STX8: variants seen among roughly 807,000 people sequenced by gnomAD.
The protein encoded by STX8 is syntaxin-8.
A neutral mutation model predicts 37.5 loss-of-function variants in STX8; 23 were observed. That is an observed-to-expected ratio of 0.61 (90% CI 0.44 to 0.87). The LOEUF is 0.87. Ranked by LOEUF, STX8 falls within the 40% of genes least tolerant of loss-of-function variation. The probability of loss-of-function intolerance (pLI) is 0.00; values close to 1 mark genes in which losing one functional copy is unlikely to be tolerated. For missense variants in STX8, 313 were observed against 284.7 expected, an observed-to-expected ratio of 1.10 and a Z score of -0.71; for synonymous variants, 115 against 99.1, an observed-to-expected ratio of 1.16 and a Z score of -0.95.
chr17:9,521,184 G>A (rs953405251), intron 4 of STX8, among the ~76,000 whole-genome samples: 7 of 152,182 alleles, frequency 4.6e-5, no homozygotes, highest in African/African-American at 1.7e-4. Context: ...TGGATTACAC[G>A]GAAGAGAGGC....
intron 7 of STX8, among the ~76,000 whole-genome samples, chr17:9,323,843 T>C (rs993080606): frequency 6.6e-6 from 1 of 152,112 alleles, no homozygotes; most frequent in Middle Eastern, 3.4e-3. Flanking sequence ...AACGGGACAA[T>C]GAGGACCAGA....
At chr17:9,316,413 C>T (rs1018326095) in intron 7 of STX8, among the ~76,000 whole-genome samples, 15 of 151,890 alleles carry the variant, frequency 9.9e-5, no homozygotes, top group African/African-American at 3.6e-4. Context: ...CCATGACCTC[C>T]GGGAAGAGGA....
Position 9,265,181 on chromosome 17 carries a change from C to T in STX8, c.644-14536G>A, listed in dbSNP as rs183083134. Among the ~76,000 whole-genome samples, 200 of 150,940 alleles carry T rather than the reference C, an allele frequency of 1.3e-3. 1 individual carries two copies. In the Middle Eastern group the frequency reaches 0.018, roughly 13 times the overall value. Reference sequence around the variant, plus strand: ...CCAAATTCCAAACTTTTCTCTTTCACGGTCACATATCCTATTATTTTACAA... The same window carrying T: ...CCAAATTCCAAACTTTTCTCTTTCATGGTCACATATCCTATTATTTTACAA... On this transcript the variant is annotated intron_variant, in intron 7 of 7. Coordinates refer to ENST00000306357, the MANE Select transcript of STX8 (RefSeq NM_004853.3).
chr17:9,330,544 T>C (rs920556182), intron 7 of STX8, among the ~76,000 whole-genome samples: 5 of 152,238 alleles, frequency 3.3e-5, no homozygotes, highest in African/African-American at 1.2e-4. Flanking sequence ...TTCTGCCCCC[T>C]ACCACTTTTT....
chr17:9,456,785 A>G (rs1490301549), intron 6 of STX8, among the ~76,000 whole-genome samples: 1 of 152,108 alleles, frequency 6.6e-6, no homozygotes, highest in East Asian at 1.9e-4. Context: ...CTTTCCAAAC[A>G]TCTTTTGTGT....
At chr17:9,336,624 T>A (rs892244256) in intron 7 of STX8, among the ~76,000 whole-genome samples, 2 of 152,130 alleles carry the variant, frequency 1.3e-5, no homozygotes, top group African/African-American at 4.8e-5. Flanking sequence ...TTAGTAGAGA[T>A]GGAGTTTCAC....
rs1437905331 is a variant in STX8 at position 9,457,470 on chromosome 17, G to A, written c.541+34359C>T. 3.9e-5 allele frequency among the ~76,000 whole-genome samples: 6 copies of A among 152,294 alleles called. No individual in the cohort carries two copies. In the East Asian group the frequency reaches 1.2e-3, roughly 29 times the overall value. On this transcript the variant is annotated intron_variant, in intron 6 of 7. Transcript: ENST00000306357. ...TCTTCCACATTTAAGAACTCTGGTGGTTACACTGGGCCCATCAGAGAATCC... is the reference window on the plus strand; with the variant it reads ...TCTTCCACATTTAAGAACTCTGGTGATTACACTGGGCCCATCAGAGAATCC...
At chr17:9,363,565 G>A (rs1295576493) in intron 7 of STX8, among the ~76,000 whole-genome samples, 1 of 152,200 alleles carries the variant, frequency 6.6e-6, no homozygotes, top group Non-Finnish European at 1.5e-5. Context: ...GTCCCAGCAG[G>A]TGGGTGAAAA....
At chr17:9,566,815 A>G (rs1280376433) in intron 2 of STX8, among the ~76,000 whole-genome samples, 2 of 152,146 alleles carry the variant, frequency 1.3e-5, no homozygotes, top group African/African-American at 2.4e-5. Context: ...AAAGAGACAC[A>G]TGCATGTGTA....
intron 6 of STX8, among the ~76,000 whole-genome samples, chr17:9,490,566 T>A (rs375019217): frequency 1.8e-4 from 28 of 151,900 alleles, no homozygotes; most frequent in African/African-American, 5.6e-4. Context: ...AGAGATGAGG[T>A]CTCATCATGT....
intron 6 of STX8, among the ~76,000 whole-genome samples, chr17:9,414,845 C>A (rs1295286836): frequency 7.7e-6 from 1 of 129,392 alleles, no homozygotes. Flanking sequence ...GGCCGGAGTG[C>A]AGTGGCACCA....
chr17:9,432,077 T>C (rs902850727), intron 6 of STX8, among the ~76,000 whole-genome samples: 2 of 152,166 alleles, frequency 1.3e-5, no homozygotes, highest in African/African-American at 4.8e-5. Context: ...AAAAAATAAA[T>C]TCTGATTCTA....
chr17:9,495,486 AAG>A (rs1219878314), intron 5 of STX8, among the ~76,000 whole-genome samples: 1 of 152,222 alleles, frequency 6.6e-6, no homozygotes, highest in Non-Finnish European at 1.5e-5. Flanking sequence ...CCATTAGGAA[AAG>A]AGTCATTAAA....
intron 7 of STX8, among the ~76,000 whole-genome samples, chr17:9,266,615 A>G (rs1420158525): frequency 6.6e-6 from 1 of 152,094 alleles, no homozygotes; most frequent in Non-Finnish European, 1.5e-5. Context: ...ATGCATTTCC[A>G]GTAAGGTGGG....
intron 6 of STX8, among the ~76,000 whole-genome samples, chr17:9,416,558 G>A (rs916831999): frequency 3.3e-5 from 5 of 150,810 alleles, no homozygotes; most frequent in South Asian, 2.1e-4. Context: ...TAGTAGAGAC[G>A]GGATTTCGCC....
chr17:9,401,374 T>C (rs1478511753), intron 6 of STX8, among the ~76,000 whole-genome samples: 1 of 152,210 alleles, frequency 6.6e-6, no homozygotes, highest in African/African-American at 2.4e-5. Flanking sequence ...GTTATGATGA[T>C]GGTAATACAA....
chr17:9,343,001 C>T (rs1910416278), intron 7 of STX8, among the ~76,000 whole-genome samples: 1 of 117,204 alleles, frequency 8.5e-6, no homozygotes, highest in African/African-American at 3.4e-5. Context: ...AGCCTGGTGA[C>T]AAGAGTGAAA....
chr17:9,279,697 C>G (rs555036476), intron 7 of STX8, among the ~76,000 whole-genome samples: 17 of 150,266 alleles, frequency 1.1e-4, no homozygotes, highest in African/African-American at 2.7e-4. Flanking sequence ...CCAGAAGCAA[C>G]AGGTCTCCCT....
chr17:9,294,120 A>C (rs920664248), intron 7 of STX8, among the ~76,000 whole-genome samples: 2 of 152,206 alleles, frequency 1.3e-5, no homozygotes, highest in Admixed American at 6.5e-5. Flanking sequence ...TTCCACGGCT[A>C]GCCTAGAGGT....
Sources: gnomAD v4.1 joint callset for allele counts (sites outside exome capture counted in the v4.1 genomes callset) on GRCh38, gnomAD v4.1.1 for gene constraint, MANE v1.5 for transcripts, NCBI Gene and HGNC (gene_info 2026-07-23, HGNC 2026-07-21) for gene names.